The following ANKRD28 variants were observed in gnomAD, a reference collection of about 807,000 sequenced individuals.
The protein encoded by ANKRD28 is ankyrin repeat domain 28.
A neutral mutation model predicts 126.5 loss-of-function variants in ANKRD28; 44 were observed. The ratio of observed to expected loss-of-function variants is 0.35; its 90% CI spans 0.27 to 0.45. The LOEUF (loss-of-function observed/expected upper bound fraction) is 0.45. Among genes scored for constraint, ANKRD28 ranks in the 20% least tolerant of loss-of-function variants. The probability of loss-of-function intolerance (pLI) is 1.00; values close to 1 mark genes in which losing one functional copy is unlikely to be tolerated. For synonymous variants in ANKRD28, 442 were observed against 468.5 expected (o/e 0.94, Z 0.73); for missense variants, 1,110 against 1,316.6 (o/e 0.84, Z 2.43).
intron 3 of ANKRD28, among the ~76,000 whole-genome samples, chr3:15,759,177 A>G (rs1184573762): frequency 6.6e-6 from 1 of 152,154 alleles, no homozygotes; most frequent in Non-Finnish European, 1.5e-5. Flanking sequence ...TGGGAAGAAA[A>G]AAGGAAGATT....
chr3:15,780,186 A>C (rs536074323), intron 2 of ANKRD28, among the ~76,000 whole-genome samples: 19 of 152,290 alleles, frequency 1.2e-4, no homozygotes, highest in African/African-American at 4.3e-4. Context: ...GACACCAAAA[A>C]ATGACTGAAA....
At chr3:15,774,879 G>C (rs1039369210) in intron 2 of ANKRD28, among the ~76,000 whole-genome samples, 1 of 152,148 alleles carries the variant, frequency 6.6e-6, no homozygotes, top group Non-Finnish European at 1.5e-5. Flanking sequence ...ATTTATGTAT[G>C]TATGTATTTA....
At chr3:15,850,224 T>TATATATATATATATAGAGAGAGAGAGAG (rs1418223588) in intron 1 of ANKRD28, among the ~76,000 whole-genome samples, 1 of 35,112 alleles carries the variant, frequency 2.8e-5, no homozygotes, top group Non-Finnish European at 6.0e-5. Flanking sequence ...TATATATATA[T>TATATATATATATATAGAGAGAGAGAGAG]AGAGAGAGAG....
At chr3:15,762,895 G>A (rs2058564903) in intron 3 of ANKRD28, among the ~76,000 whole-genome samples, 1 of 152,022 alleles carries the variant, frequency 6.6e-6, no homozygotes, top group South Asian at 2.1e-4. Flanking sequence ...TGAGGAAGTT[G>A]AGGCTCAGAG....
chr3:15,792,870 T>C (rs2060099395), intron 2 of ANKRD28, among the ~76,000 whole-genome samples: 1 of 152,054 alleles, frequency 6.6e-6, no homozygotes, highest in Non-Finnish European at 1.5e-5. Context: ...TAAAACCCAC[T>C]AAAATAAGAA....
chr3:15,753,993 A>ATATT (rs1198166276), intron 3 of ANKRD28, among the ~76,000 whole-genome samples: 9 of 152,168 alleles, frequency 5.9e-5, no homozygotes, highest in Non-Finnish European at 1.2e-4. Flanking sequence ...CTGTGTTAAT[A>ATATT]AAGATCTGAA....
chr3:15,731,884 G>GGGT (rs1559426017), intron 6 of ANKRD28: 9 of 109,108 alleles, frequency 8.2e-5, no homozygotes, highest in East Asian at 3.1e-4. Flanking sequence ...AGGGGGGGGG[G>GGGT]GTGTGTGGGG....
rs983754635 is a variant in ANKRD28, at chr3:15,838,381, T to C, written c.27+20996A>G. Among the ~76,000 whole-genome samples, 1 of 152,146 alleles carries C rather than the reference T, an allele frequency of 6.6e-6. No homozygotes were observed. Among genetic ancestry groups the C allele is most frequent in the Non-Finnish European group, 1.5e-5 (1 of 68,022 alleles). On this transcript the variant is annotated intron_variant, in intron 1 of 27. Transcript: ENST00000399451. The surrounding 1 kb of genome is among the most constrained non-coding windows in gnomAD (Gnocchi z 4.0). The stretch of plus-strand genomic sequence containing the variant: ...ATCCAGCAGCATACAATAGGAATCA[T>C]ACAAATTGGCTATTCTTAAAACATT...
At chr3:15,842,657 T>C (rs1403152316) in intron 1 of ANKRD28, among the ~76,000 whole-genome samples, 1 of 152,230 alleles carries the variant, frequency 6.6e-6, no homozygotes. Flanking sequence ...GTGGTTAGTA[T>C]ATGCACTGCA....
At chr3:15,835,961 TTCTTC>T (rs1304538177) in intron 1 of ANKRD28, among the ~76,000 whole-genome samples, 4 of 152,334 alleles carry the variant, frequency 2.6e-5, no homozygotes, top group African/African-American at 9.6e-5. Flanking sequence ...TTCTACTTTT[TTCTTC>T]TCTTAAGAGG....
intron 2 of ANKRD28, among the ~76,000 whole-genome samples, chr3:15,787,154 T>C (rs974227414): frequency 6.6e-6 from 1 of 152,032 alleles, no homozygotes; most frequent in African/African-American, 2.4e-5. Context: ...ACTCCTAAAA[T>C]ACACTGGGAA....
rs1359896411 is a variant in ANKRD28 at position 15,804,222 on chromosome 3, A to ACT, written c.28-8917_28-8916insAG. 6.9e-4 allele frequency among the ~76,000 whole-genome samples: 100 copies of ACT among 145,042 alleles called. 7 individuals are homozygous for ACT. The highest frequency in any genetic ancestry group is 9.7e-4 in the Non-Finnish European group (65 of 66,948). Reference sequence around the variant, plus strand: ...CACGTAAAAATCTAACCAGTACAAGATAAAAGACAGTAAAAGACAGTATAT... The same window carrying ACT: ...CACGTAAAAATCTAACCAGTACAAGACTTAAAAGACAGTAAAAGACAGTATAT... On this transcript the variant is annotated intron_variant, in intron 1 of 27. Transcript: ENST00000399451.
At chr3:15,704,559 G>T (rs2071093284) in intron 14 of ANKRD28, among the ~76,000 whole-genome samples, 2 of 152,030 alleles carry the variant, frequency 1.3e-5, no homozygotes, top group Non-Finnish European at 2.9e-5. Context: ...ATAGCAATTG[G>T]AAGCTCTGAG....
At chr3:15,761,219 T>C (rs2058440295) in intron 3 of ANKRD28, among the ~76,000 whole-genome samples, 1 of 152,208 alleles carries the variant, frequency 6.6e-6, no homozygotes, top group South Asian at 2.1e-4. Flanking sequence ...TTATTTCATA[T>C]TGCTTAATTT....
At position 15,843,675 on chromosome 3, in the gene ANKRD28, T is replaced by G. The variant is rs1298063412; in HGVS notation, c.27+15702A>C. Among the ~76,000 whole-genome samples, 3 of 145,122 alleles carry G rather than the reference T, an allele frequency of 2.1e-5. No individual in the cohort carries two copies. The highest frequency in any genetic ancestry group is 7.7e-5 in the African/African-American group (3 of 38,868). On this transcript the variant is annotated intron_variant, in intron 1 of 27. Transcript: ENST00000399451. The surrounding 1 kb of genome is among the most constrained non-coding windows in gnomAD (Gnocchi z 5.2). ...AAGGTATCAATAAGAAAGCAATGGG[T>G]AAAAAAAATGAATACAAATAAGAGA...
chr3:15,807,469 T>C (rs1162671489), intron 1 of ANKRD28, among the ~76,000 whole-genome samples: 1 of 152,152 alleles, frequency 6.6e-6, no homozygotes, highest in Non-Finnish European at 1.5e-5. Context: ...AAGAAAAATG[T>C]CAAACATAAG....
In ANKRD28 at chr3:15,763,346, G is replaced by A. The variant is rs546113446; in HGVS notation, c.280+2888C>T. On this transcript the variant is annotated intron_variant, in intron 3 of 27. Coordinates refer to ENST00000683139, the MANE Select transcript of ANKRD28 (RefSeq NM_001349278.2). ...AAAGACTTGAGAAACAAACCAAAAT[G>A]TAAACAAATTTCTGAAAAGGAGACA... Among the ~76,000 whole-genome samples the A allele has an allele frequency of 3.9e-5, 6 of 152,262 alleles. No individual in the cohort carries two copies. In the South Asian group the frequency reaches 1.2e-3, roughly 32 times the overall value.
At chr3:15,847,496 T>C (rs2061553732) in intron 1 of ANKRD28, among the ~76,000 whole-genome samples, 2 of 152,220 alleles carry the variant, frequency 1.3e-5, no homozygotes, top group Non-Finnish European at 2.9e-5. Flanking sequence ...AACTGTCTAC[T>C]GTAACAACAC....
chr3:15,675,884 T>C lies in ANKRD28; in HGVS notation c.2965+14A>G. 9 of 1,595,528 alleles carry C rather than the reference T, an allele frequency of 5.6e-6. No homozygotes were observed. Among genetic ancestry groups the C allele is most frequent in the Non-Finnish European group, 7.7e-6 (9 of 1,167,020 alleles). ...AGCTCTAGGTTAAGGGAAGAGAATA[T>C]AGAACCAACTTACCATTTTCATCTA... On this transcript the variant is annotated intron_variant, in intron 27 of 27. Transcript: ENST00000683139.
Sources: allele counts gnomAD v4.1 joint callset (sites outside exome capture counted in the v4.1 genomes callset), GRCh38; gene constraint gnomAD v4.1.1; non-coding constraint Gnocchi (gnomAD v3.1); transcripts MANE v1.5; gene names NCBI Gene and HGNC (gene_info 2026-07-23, HGNC 2026-07-21).